The following GPR162 variants were observed in gnomAD, a reference collection of about 807,000 sequenced individuals.
GPR162 encodes G protein-coupled receptor 162.
Under a neutral mutation model 44.9 loss-of-function variants are expected in GPR162, and 26 were observed. The observed-to-expected ratio is 0.58, with a 90% CI of 0.42 to 0.80. The LOEUF (loss-of-function observed/expected upper bound fraction) is 0.80, where lower values mean the gene tolerates loss of function less well. Ranked by LOEUF, GPR162 falls within the 30% of genes least tolerant of loss-of-function variation. The probability of loss-of-function intolerance (pLI) is 0.00; values close to 1 mark genes in which losing one functional copy is unlikely to be tolerated. For missense variants in GPR162, 704 were observed against 802.3 expected (o/e 0.88, Z 1.48); for synonymous variants, 363 against 335.2 (o/e 1.08, Z -0.91).
chr12:6,826,146 C>T (rs376990826), intron 3 of GPR162, 50 bp from the exon 4 acceptor site: 497 of 1,483,824 alleles, frequency 3.3e-4, no homozygotes, highest in Non-Finnish European at 4.2e-4. Flanking sequence ...GGTGGGAGGC[C>T]GCGGTAGGCA....
At position 6,822,524 on chromosome 12, in the gene GPR162, A is replaced by G. The variant is rs7956085; in HGVS notation, c.-432+624A>G. The stretch of plus-strand genomic sequence containing the variant: ...ACAGCCCCACTCTGTTCAGGGTTTC[A>G]CCCGATTCCCTTACCCCCCTTCCCA... On this transcript the variant is annotated intron_variant, in intron 1 of 4. Coordinates refer to ENST00000311268, the MANE Select transcript of GPR162 (RefSeq NM_019858.2). The surrounding 1 kb of genome is among the most constrained non-coding windows in gnomAD (Gnocchi z 4.2). Among the ~76,000 whole-genome samples the G allele has an allele frequency of 0.35, 52,979 of 151,878 alleles. 10,094 individuals are homozygous for G. The highest frequency in any genetic ancestry group is 0.44 in the Non-Finnish European group (29,559 of 67,926).
intron 1 of GPR162, among the ~76,000 whole-genome samples, 170 bp from the exon 2 acceptor site, chr12:6,823,298 G>A (rs1943307295): frequency 6.6e-6 from 1 of 152,174 alleles, no homozygotes; most frequent in Non-Finnish European, 1.5e-5. Flanking sequence ...CATCTGTGTG[G>A]GGTGTTTAGC....
rs1555120338 is a variant in GPR162 at position 6,826,977 on chromosome 12, C to T, written c.1540C>T (p.Leu514=). 6.2e-7 allele frequency: 1 copy of T among 1,613,326 alleles called. No individual in the cohort carries two copies. The highest frequency in any genetic ancestry group is 1.7e-5 in the Admixed American group (1 of 60,038). Residue 514 remains leucine (L), a synonymous_variant, in exon 5 of 5, where the codon CTG becomes TTG. Coordinates refer to ENST00000311268, the MANE Select transcript of GPR162 (RefSeq NM_019858.2). The part of the protein sequence containing the change: ...EITTFIDETP[L]PSPTASPGHS... ...CACCACCTTCATCGATGAGACACCT[C>T]TGCCTTCTCCGACTGCCTCACCAGG...
intron 4 of GPR162, 71 bp downstream of exon 4, chr12:6,826,424 C>A: frequency 7.1e-7 from 1 of 1,405,116 alleles, no homozygotes; most frequent in Non-Finnish European, 9.7e-7. Flanking sequence ...CTGTTAGGCA[C>A]CCCAATCCCC....
rs373524161 is a variant in GPR162, at chr12:6,826,988, G to T, written c.1551G>T (p.Pro517=). 2 of 1,613,262 alleles carry T rather than the reference G, an allele frequency of 1.2e-6. 1 individual carries two copies. The highest frequency in any genetic ancestry group is 2.2e-5 in the South Asian group (2 of 91,082). Residue 517 remains proline (P), a synonymous_variant, in exon 5 of 5, where the codon CCG becomes CCT. Coordinates refer to ENST00000311268, the MANE Select transcript of GPR162 (RefSeq NM_019858.2). ...TFIDETPLPS[P]TASPGHSPRR... ...TCGATGAGACACCTCTGCCTTCTCC[G>T]ACTGCCTCACCAGGGCACTCTCCTC...
intron 2 of GPR162, 143 bp downstream of exon 2, chr12:6,824,908 C>T (rs1555119768): frequency 1.3e-6 from 1 of 744,364 alleles, no homozygotes; most frequent in Non-Finnish European, 2.4e-6. Context: ...TCTGTCCATC[C>T]CCCACTCCAT....
At position 6,822,527 on chromosome 12, in the gene GPR162, C is replaced by T. The variant is rs182731684; in HGVS notation, c.-432+627C>T. ...GCCCCACTCTGTTCAGGGTTTCACC[C>T]GATTCCCTTACCCCCCTTCCCAGGG... On this transcript the variant is annotated intron_variant, in intron 1 of 4. Coordinates refer to ENST00000311268, the MANE Select transcript of GPR162 (RefSeq NM_019858.2). The surrounding 1 kb of genome is among the most constrained non-coding windows in gnomAD (Gnocchi z 4.2). 8.3e-4 allele frequency among the ~76,000 whole-genome samples: 126 copies of T among 152,222 alleles called. 1 individual carries two copies. Among genetic ancestry groups the T allele is most frequent in the Admixed American group, 1.6e-3 (25 of 15,306 alleles).
Position 6,825,616 on chromosome 12 carries a change from G to A in GPR162, c.1000G>A (p.Val334Met), listed in dbSNP as rs782385606. 20 of 1,591,480 alleles carry A rather than the reference G, an allele frequency of 1.3e-5. No homozygotes were observed. The highest frequency in any genetic ancestry group is 2.3e-5 in the South Asian group (2 of 87,614). ...IWSCERYRAD[V>M]RTVWEQCVAI... ...GTCCTGCGAGCGCTACCGCGCCGAC[G>A]TGCGCACAGTGTGGGAGCAATGCGT... The change falls in exon 3 of 5, where the codon GTG becomes ATG. Residue 334 changes from valine (V) to methionine (M), a missense_variant. Val to Met is a conservative substitution (Grantham distance 21). This residue lies in a region of GPR162 where 92 missense variants were observed against 156.5 expected (regional missense o/e 0.59). Coordinates refer to ENST00000311268, the MANE Select transcript of GPR162 (RefSeq NM_019858.2).
rs144704717 is a variant in GPR162, at chr12:6,826,829, C to T, written c.1392C>T (p.Asp464=). 222 of 1,604,156 alleles carry T rather than the reference C, an allele frequency of 1.4e-4. 1 individual carries two copies. The African/African-American group carries it at 2.1e-3, about 15-fold the overall frequency. ...EYLGQRHRLE[D]EEDEEEAEGG... is the part of the protein sequence containing the mutation. ...TGGGACAAAGACACAGGTTGGAGGA[C>T]GAGGAGGACGAGGAAGAGGCTGAAG... The change falls in exon 5 of 5, where the codon GAC becomes GAT. Residue 464 remains aspartate, a synonymous_variant. Coordinates refer to ENST00000311268, the MANE Select transcript of GPR162 (RefSeq NM_019858.2).
chr12:6,826,515 C>A, intron 4 of GPR162, 138 bp from the exon 5 acceptor site: 1 of 1,069,888 alleles, frequency 9.3e-7, no homozygotes, highest in Non-Finnish European at 1.3e-6. Flanking sequence ...CTTCAGACCT[C>A]GTGGGGCCAG....
At chr12:6,826,087 T>C (rs112024539) in intron 3 of GPR162, 109 bp from the exon 4 acceptor site, 31 of 805,028 alleles carry the variant, frequency 3.9e-5, no homozygotes, top group Middle Eastern at 7.5e-4. Context: ...TCTTGGAACA[T>C]ACATGCTAAT....
chr12:6,824,557 G>A lies in GPR162; in HGVS notation c.659G>A (p.Gly220Glu). ...PRRARQARRV[G>E]GGGGTKAGGP... is the part of the protein sequence containing the mutation. Reference sequence around the variant, plus strand: ...AGGGCTCGGCAGGCCCGGAGAGTGGGGGGTGGTGGGGGGACCAAAGCGGGT... The same window carrying A: ...AGGGCTCGGCAGGCCCGGAGAGTGGAGGGTGGTGGGGGGACCAAAGCGGGT... The change falls in exon 2 of 5, where the codon GGG becomes GAG. Residue 220 changes from glycine to glutamate, a missense_variant. Physicochemically the swap from Gly to Glu is moderately conservative, Grantham distance 98 (BLOSUM62 -2). Coordinates refer to ENST00000311268, the MANE Select transcript of GPR162 (RefSeq NM_019858.2). 1 of 1,605,312 alleles carries A rather than the reference G, an allele frequency of 6.2e-7. No homozygotes were observed. The highest frequency in any genetic ancestry group is 2.2e-5 in the East Asian group (1 of 44,786).
In GPR162 at chr12:6,827,382, CT is replaced by C; in HGVS notation, c.*179del. The C allele has an allele frequency of 1.7e-6, 1 of 603,746 alleles. No homozygotes were observed. The highest frequency in any genetic ancestry group is 2.0e-5 in the South Asian group (1 of 49,568). The allele number at this position is 603,746 out of a possible 1,614,324, so 37.4% of individuals were successfully genotyped here. On this transcript the variant is annotated 3_prime_UTR_variant, in exon 5 of 5. Transcript: ENST00000311268. ...ATGCCCTACTCAGCTTCCATCACCC[CT>C]AGCAATATGTATTAAAGTCTGAAGT...
chr12:6,825,932 A>G (rs1277704284), intron 3 of GPR162, among the ~76,000 whole-genome samples: 3 of 152,012 alleles, frequency 2.0e-5, no homozygotes, highest in African/African-American at 7.3e-5. Context: ...GGGGAACCTG[A>G]GCTTCCCGAG....
intron 2 of GPR162, chr12:6,824,976 C>A (rs1555119795): frequency 1.4e-6 from 1 of 699,338 alleles, no homozygotes; most frequent in East Asian, 2.7e-5. Context: ...TTTACCCCAG[C>A]TCCAGCATCT....
chr12:6,824,124 C>A lies in GPR162; in HGVS notation c.226C>A (p.Arg76Ser). The change falls in exon 2 of 5, where the codon CGT becomes AGT. Residue 76 changes from arginine (R) to serine (S), a missense_variant. By Grantham distance (110) the Arg-to-Ser change is moderately radical. This residue lies in a region of GPR162 where 110 missense variants were observed against 206.2 expected (regional missense o/e 0.53). Transcript: ENST00000311268. ...PLTTFAVVQL[R>S]RQASSDYDWN... is the part of the protein sequence containing the mutation. ...CACCACCTTTGCCGTGGTGCAGCTG[C>A]GTCGTCAGGCTTCCTCCGACTATGA... 6.2e-7 allele frequency: 1 copy of A among 1,613,974 alleles called. No individual in the cohort carries two copies. The highest frequency in any genetic ancestry group is 8.5e-7 in the Non-Finnish European group (1 of 1,180,018).
chr12:6,824,812 C>G (rs1555119742), intron 2 of GPR162, 47 bp downstream of exon 2: 1 of 1,483,180 alleles, frequency 6.7e-7, no homozygotes, highest in East Asian at 2.3e-5. Context: ...ATCCAGGCCC[C>G]AGCATCATCA....
At chr12:6,825,787 C>A in intron 3 of GPR162, 114 bp downstream of exon 3, 1 of 866,578 alleles carries the variant, frequency 1.2e-6, no homozygotes, top group Non-Finnish European at 1.8e-6. Context: ...TGGACAGAAT[C>A]TGCACCACCC....
At position 6,826,371 on chromosome 12, in the gene GPR162, A is replaced by G. The variant is rs2137949038; in HGVS notation, c.1215+18A>G. On this transcript the variant is annotated intron_variant, in intron 4 of 4. Transcript: ENST00000311268. ...ACTTACAGGTATGGAACTGGGGGATACATCTCCTACCCTTGGTGCCGCTCA... is the reference window on the plus strand; with the variant it reads ...ACTTACAGGTATGGAACTGGGGGATGCATCTCCTACCCTTGGTGCCGCTCA... 1.3e-6 allele frequency: 2 copies of G among 1,598,050 alleles called. No individual in the cohort carries two copies. The highest frequency in any genetic ancestry group is 1.7e-6 in the Non-Finnish European group (2 of 1,170,582).
Sources: allele counts gnomAD v4.1 joint callset (sites outside exome capture counted in the v4.1 genomes callset), GRCh38; gene constraint gnomAD v4.1.1; regional missense constraint gnomAD v4.1.1; non-coding constraint Gnocchi (gnomAD v3.1); transcripts MANE v1.5; gene names NCBI Gene and HGNC (gene_info 2026-07-23, HGNC 2026-07-21).